Variants in KAT6A observed in about 807,000 individuals in gnomAD.
KAT6A encodes lysine acetyltransferase 6A.
KAT6A carries 9 observed loss-of-function variants against 198.4 expected under a neutral mutation model. That is an observed-to-expected ratio of 0.05 (90% CI 0.03 to 0.08). KAT6A has a LOEUF of 0.08. Among genes scored for constraint, KAT6A ranks in the 10% least tolerant of loss-of-function variants. KAT6A has a pLI of 1.00. For missense variants in KAT6A, 2,077 were observed against 2,509.9 expected (o/e 0.83, Z 3.69); for synonymous variants, 890 against 883.0 (o/e 1.01, Z -0.14).
chr8:41,943,712 A>G, intron 13 of KAT6A, 36 bp downstream of exon 13: 1 of 1,488,462 alleles, frequency 6.7e-7, no homozygotes, highest in Non-Finnish European at 9.4e-7. Context: ...CAACCTAATT[A>G]TCTTTCAAAG....
intron 2 of KAT6A, among the ~76,000 whole-genome samples, chr8:42,014,670 CAG>C (rs976703326): frequency 1.3e-5 from 2 of 151,988 alleles, no homozygotes; most frequent in African/African-American, 4.8e-5. Flanking sequence ...AATAAGAAAA[CAG>C]AAAAAGATTA....
rs1182580589 is a variant in KAT6A, at chr8:41,929,993, G to GA, written c.*2211dup. The stretch of plus-strand genomic sequence containing the variant: ...AAATACATTTTTTTTAAACAGAAGT[G>GA]AAAAAATGACAGGTACCAATATTAC... On this transcript the variant is annotated 3_prime_UTR_variant, in exon 17 of 17. Coordinates refer to ENST00000265713, the MANE Select transcript of KAT6A (RefSeq NM_006766.5). 1 of 220,662 alleles carries GA rather than the reference G, an allele frequency of 4.5e-6. No individual in the cohort carries two copies. The highest frequency in any genetic ancestry group is 2.2e-5 in the African/African-American group (1 of 44,546). The allele number at this position is 220,662 out of a possible 1,614,324, so 13.7% of individuals were successfully genotyped here. A position where few individuals can be genotyped will look rare whatever the true frequency, so the allele number is the denominator to read the frequency against.
At chr8:41,967,545 T>C (rs1158254721) in intron 8 of KAT6A, among the ~76,000 whole-genome samples, 2 of 149,274 alleles carry the variant, frequency 1.3e-5, no homozygotes, top group African/African-American at 2.5e-5. Flanking sequence ...GAATATGCAG[T>C]GTTTGGTTTT....
intron 2 of KAT6A, among the ~76,000 whole-genome samples, chr8:42,025,211 T>A (rs1646992155): frequency 6.6e-6 from 1 of 150,930 alleles, no homozygotes; most frequent in South Asian, 2.1e-4. Flanking sequence ...AGGTTTTTTT[T>A]TGTTTTGTTT....
At chr8:41,966,830 T>C (rs758070870) in intron 8 of KAT6A, among the ~76,000 whole-genome samples, 9 of 152,236 alleles carry the variant, frequency 5.9e-5, no homozygotes, top group South Asian at 2.1e-4. Context: ...TACAGAATAA[T>C]GCAGGATGTT....
intron 2 of KAT6A, among the ~76,000 whole-genome samples, chr8:42,047,096 T>TCCA (rs1802350235): frequency 6.6e-6 from 1 of 152,202 alleles, no homozygotes; most frequent in African/African-American, 2.4e-5. Flanking sequence ...TTACCATCTT[T>TCCA]CCACCCTAGG....
chr8:42,031,038 A>AAG (rs35595569), intron 2 of KAT6A, among the ~76,000 whole-genome samples: 47,426 of 112,996 alleles, frequency 0.42, 11,194 homozygotes, highest in Middle Eastern at 0.53. Context: ...AAAAAAAAAA[A>AAG]GGGGGGGGGG....
intron 1 of KAT6A, among the ~76,000 whole-genome samples, chr8:42,051,289 A>C (rs903320832): frequency 6.6e-6 from 1 of 151,622 alleles, no homozygotes; most frequent in Non-Finnish European, 1.5e-5. Context: ...GGCAGACACA[A>C]CACCACACGT....
At chr8:41,935,769 T>C (rs1473788266) in intron 16 of KAT6A, among the ~76,000 whole-genome samples, 1 of 152,192 alleles carries the variant, frequency 6.6e-6, no homozygotes, top group Non-Finnish European at 1.5e-5. Flanking sequence ...AATGGCTGCA[T>C]CAGCAAAAAT....
intron 2 of KAT6A, among the ~76,000 whole-genome samples, chr8:42,026,046 G>C (rs911842895): frequency 6.6e-6 from 1 of 152,156 alleles, no homozygotes; most frequent in African/African-American, 2.4e-5. Context: ...CCTTTCACCA[G>C]TGTATGCTCT....
chr8:41,939,033 G>C (rs1821980845), intron 15 of KAT6A, among the ~76,000 whole-genome samples: 1 of 150,768 alleles, frequency 6.6e-6, no homozygotes, highest in Non-Finnish European at 1.5e-5. Flanking sequence ...GTCAAAACTG[G>C]AACAATCTGA....
intron 2 of KAT6A, among the ~76,000 whole-genome samples, chr8:42,015,371 T>TA (rs1334661073): frequency 6.6e-6 from 1 of 152,228 alleles, no homozygotes; most frequent in Non-Finnish European, 1.5e-5. Flanking sequence ...ACTTTCCAGA[T>TA]ACCACGACAG....
chr8:41,932,016 C>T lies in KAT6A; in HGVS notation c.*189G>A. ...TTCAAGATTGTGAAGAAAACCAAAA[C>T]CCAGAACAAAATGAACCCAAAAAAA... On this transcript the variant is annotated 3_prime_UTR_variant, in exon 17 of 17. Transcript: ENST00000265713. The T allele has an allele frequency of 1.9e-6, 1 of 521,526 alleles. No individual in the cohort carries two copies. The highest frequency in any genetic ancestry group is 7.4e-5 in the South Asian group (1 of 13,432). The allele number at this position is 521,526 out of a possible 1,614,324, so 32.3% of individuals were successfully genotyped here.
At chr8:41,946,493 TACACACACACACACACACACAC>T (rs60247515) in intron 12 of KAT6A, 76 bp downstream of exon 12, 253 of 323,628 alleles carry the variant, frequency 7.8e-4, no homozygotes, top group Non-Finnish European at 1.1e-3. Flanking sequence ...TATATATATA[TACACACACACACACACACACAC>T]ACACACACAC....
At chr8:42,029,956 C>T (rs2355643) in intron 2 of KAT6A, among the ~76,000 whole-genome samples, 110,133 of 151,958 alleles carry the variant, frequency 0.72, 41,104 homozygotes, top group African/African-American at 0.92. Flanking sequence ...TTTTTTTCCA[C>T]TGGACTCTTT....
intron 2 of KAT6A, among the ~76,000 whole-genome samples, chr8:41,997,152 T>C (rs1825255876): frequency 6.6e-6 from 1 of 152,208 alleles, no homozygotes; most frequent in Non-Finnish European, 1.5e-5. Context: ...CACTGAATTA[T>C]ACACTTAAAT....
chr8:41,954,316 T>C lies in KAT6A; in HGVS notation c.1598+980A>G, dbSNP rs77496144. Among the ~76,000 whole-genome samples the C allele has an allele frequency of 1.2e-4, 18 of 152,340 alleles. No individual in the cohort carries two copies. In the East Asian group the frequency reaches 2.5e-3, roughly 21 times the overall value. ...AACCCATGTTAAGGCACTCAACATA[T>C]TGTAAGGTACTAAATAAATTTTGCT... On this transcript the variant is annotated intron_variant, in intron 9 of 16. Transcript: ENST00000265713.
chr8:42,002,749 T>C (rs375224465), intron 2 of KAT6A, among the ~76,000 whole-genome samples: 12 of 152,376 alleles, frequency 7.9e-5, no homozygotes, highest in East Asian at 3.9e-4. Flanking sequence ...ATAAGGTAAT[T>C]TGACCAATCC....
intron 2 of KAT6A, among the ~76,000 whole-genome samples, chr8:42,031,664 C>T (rs1487634900): frequency 3.6e-5 from 4 of 110,792 alleles, no homozygotes; most frequent in Admixed American, 1.4e-4. Context: ...GAGTCTAGCT[C>T]TGTCGCCCAG....
Sources: allele counts gnomAD v4.1 joint callset (sites outside exome capture counted in the v4.1 genomes callset), GRCh38; gene constraint gnomAD v4.1.1; transcripts MANE v1.5; gene names NCBI Gene and HGNC (gene_info 2026-07-23, HGNC 2026-07-21).